Variants in MCM9 observed in about 807,000 individuals in gnomAD.
The protein encoded by MCM9 is minichromosome maintenance 9 homologous recombination repair factor.
MCM9 carries 55 observed loss-of-function variants against 72.8 expected under a neutral mutation model. The observed-to-expected ratio is 0.76, with a 90% CI of 0.61 to 0.95. MCM9 has a LOEUF of 0.95. Among genes scored for constraint, MCM9 ranks in the 40% least tolerant of loss-of-function variants. MCM9 has a pLI of 0.00. For missense variants in MCM9, 1,279 were observed against 1,377.0 expected (o/e 0.93, Z 1.13); for synonymous variants, 480 against 503.4 (o/e 0.95, Z 0.62).
intron 8 of MCM9, among the ~76,000 whole-genome samples, chr6:118,898,951 G>T (rs905223398): frequency 6.6e-6 from 1 of 151,846 alleles, no homozygotes; most frequent in Non-Finnish European, 1.5e-5. Context: ...TTTTTATCCT[G>T]CCTATTCAGT....
At chr6:118,923,087 G>A (rs1781572723) in intron 4 of MCM9, among the ~76,000 whole-genome samples, 2 of 150,182 alleles carry the variant, frequency 1.3e-5, no homozygotes, top group African/African-American at 4.9e-5. Flanking sequence ...AAAGACAGGA[G>A]TCTGAGTTCT....
chr6:118,883,038 A>C (rs1294390379), intron 8 of MCM9, among the ~76,000 whole-genome samples: 1 of 150,826 alleles, frequency 6.6e-6, no homozygotes, highest in Non-Finnish European at 1.5e-5. Flanking sequence ...CAAAGCCTTC[A>C]AAGTAGCCAT....
At chr6:118,918,002 T>C in intron 5 of MCM9, 2 of 525,878 alleles carry the variant, frequency 3.8e-6, no homozygotes, top group East Asian at 6.2e-5. Flanking sequence ...TTTCATAACC[T>C]GCTACATGAT....
intron 8 of MCM9, among the ~76,000 whole-genome samples, chr6:118,860,973 A>T (rs1308130318): frequency 6.6e-6 from 1 of 152,096 alleles, no homozygotes; most frequent in Non-Finnish European, 1.5e-5. Flanking sequence ...GGCTTGTTCC[A>T]CCCATTCAGC....
At chr6:118,824,455 C>T (rs1774035502) in intron 13 of MCM9, among the ~76,000 whole-genome samples, 2 of 151,852 alleles carry the variant, frequency 1.3e-5, no homozygotes, top group South Asian at 4.2e-4. Flanking sequence ...ATTACAGGCG[C>T]CCGCCAACAC....
Position 118,931,437 on chromosome 6 carries a change from A to C in MCM9, c.287T>G (p.Leu96Arg). The C allele has an allele frequency of 6.2e-7, 1 of 1,610,342 alleles. No homozygotes were observed. The change falls in exon 3 of 14, where the codon CTT (leucine) becomes CGT (arginine). Residue 96 changes from leucine (L) to arginine (R), a missense_variant. Coordinates refer to ENST00000619706, the MANE Select transcript of MCM9 (RefSeq NM_017696.3). ...TGATTTACCTGATATCCTGGCATGA[A>C]GATTCTGTTTCATGGAAACAGCCTC... ...QPEAVSMKQN[L>R]HARISGLPVC...
chr6:118,908,887 TGAG>T (rs1410810853), intron 8 of MCM9: 1 of 152,608 alleles, frequency 6.6e-6, no homozygotes, highest in Non-Finnish European at 1.5e-5. Context: ...GCTTTTATGT[TGAG>T]GAAAGGAAAA....
intron 8 of MCM9, among the ~76,000 whole-genome samples, chr6:118,882,543 T>C (rs1052389113): frequency 6.6e-5 from 10 of 152,276 alleles, no homozygotes; most frequent in African/African-American, 1.7e-4. Flanking sequence ...CCAAATTTAA[T>C]TGAACCAGAG....
intron 9 of MCM9, among the ~76,000 whole-genome samples, chr6:118,831,215 G>A (rs1583358718): frequency 6.6e-6 from 1 of 151,952 alleles, no homozygotes; most frequent in African/African-American, 2.4e-5. Context: ...TAGCCGGCAC[G>A]GTGGTACACA....
intron 8 of MCM9, among the ~76,000 whole-genome samples, chr6:118,874,932 A>C (rs933322472): frequency 2.6e-5 from 4 of 152,144 alleles, no homozygotes; most frequent in Non-Finnish European, 5.9e-5. Context: ...TGGCCAACAT[A>C]GTGAAACCCC....
At chr6:118,911,056 T>C in intron 8 of MCM9, 1 of 983,720 alleles carries the variant, frequency 1.0e-6, no homozygotes, top group Non-Finnish European at 1.2e-6. Flanking sequence ...TTTAAAATAA[T>C]TTTTTTCTAA....
chr6:118,826,167 T>G lies in MCM9; in HGVS notation c.1941A>C (p.Glu647Asp), dbSNP rs552078285. The G allele has an allele frequency of 1.2e-5, 18 of 1,550,356 alleles. No homozygotes were observed. The African/African-American group carries it at 2.0e-4, about 18-fold the overall frequency. ...CTCACCTTTCAAGTCTTCTAAGCTC[T>G]TCACTCAAGAGGCTCTGCAGCTCTA... ...EKLELQSLLSEELRRLERLQN... is the reference protein window; with the variant it reads ...EKLELQSLLSDELRRLERLQN... Residue 647 changes from glutamate to aspartate, a missense_variant, in exon 13 of 14, where the codon GAA (glutamate) becomes GAC (aspartate). Transcript: ENST00000619706.
At chr6:118,879,971 G>C (rs1419569767) in intron 8 of MCM9, among the ~76,000 whole-genome samples, 1 of 151,846 alleles carries the variant, frequency 6.6e-6, no homozygotes, top group Non-Finnish European at 1.5e-5. Context: ...TTGAACCTGG[G>C]AGGTGGAGCC....
chr6:118,849,090 C>T lies in MCM9; in HGVS notation c.1325+7281G>A, dbSNP rs569160512. 5.3e-5 allele frequency among the ~76,000 whole-genome samples: 8 copies of T among 151,876 alleles called. 1 individual carries two copies. The highest frequency in any genetic ancestry group is 1.9e-4 in the East Asian group (1 of 5,186). ...GTTCATAAAGCTAAGCCCAATTCTA[C>T]GCTGCATACAAAAGAACAGATTGAA... is the stretch of plus-strand genomic sequence containing the variant. On this transcript the variant is annotated intron_variant, in intron 9 of 13. Transcript: ENST00000619706.
intron 8 of MCM9, among the ~76,000 whole-genome samples, chr6:118,896,236 C>T (rs1191395771): frequency 6.6e-6 from 1 of 152,030 alleles, no homozygotes; most frequent in Non-Finnish European, 1.5e-5. Context: ...TTGCAGCTAC[C>T]AGGCCCATTT....
intron 1 of MCM9, among the ~76,000 whole-genome samples, chr6:118,933,702 A>G (rs1388752353): frequency 6.6e-6 from 1 of 152,146 alleles, no homozygotes; most frequent in African/African-American, 2.4e-5. Flanking sequence ...GCTATTTGCT[A>G]TATTTTGCTT....
chr6:118,855,769 G>A (rs1489803001), intron 9 of MCM9, among the ~76,000 whole-genome samples: 1 of 152,144 alleles, frequency 6.6e-6, no homozygotes, highest in Non-Finnish European at 1.5e-5. Context: ...TTGTAGCCAG[G>A]TAAGTTTCCT....
Position 118,815,857 on chromosome 6 carries a change from A to G in MCM9, c.2399T>C (p.Leu800Pro), listed in dbSNP as rs1291568022. Residue 800 changes from leucine (L) to proline (P), a missense_variant, in exon 14 of 14, where the codon CTT becomes CCT. Physicochemically the swap from Leu to Pro is moderately conservative, Grantham distance 98 (BLOSUM62 -3). Transcript: ENST00000619706. ...AACACCTGTCTCTCCTGGTGATGGA[A>G]GCAACCCAATGTCCACTTTGCTCCT... The part of the protein sequence containing the change: ...GQRSKVDIGL[L>P]PSPGETGVPW... 5.8e-6 allele frequency: 9 copies of G among 1,540,582 alleles called. No individual in the cohort carries two copies. The highest frequency in any genetic ancestry group is 7.0e-6 in the Non-Finnish European group (8 of 1,147,010).
chr6:118,922,767 C>T (rs543518273), intron 4 of MCM9, among the ~76,000 whole-genome samples: 1 of 152,194 alleles, frequency 6.6e-6, no homozygotes, highest in African/African-American at 2.4e-5. Flanking sequence ...TGTGGTGGCT[C>T]ACATCTGTAA....
Sources: allele counts gnomAD v4.1 joint callset (sites outside exome capture counted in the v4.1 genomes callset), GRCh38; gene constraint gnomAD v4.1.1; transcripts MANE v1.5; gene names NCBI Gene and HGNC (gene_info 2026-07-23, HGNC 2026-07-21).